Variants in NKAIN3 observed in about 807,000 individuals in gnomAD.
The protein encoded by NKAIN3 is sodium/potassium-transporting ATPase subunit beta-1-interacting protein 3.
NKAIN3 carries 25 observed loss-of-function variants against 30.2 expected under a neutral mutation model. The observed-to-expected ratio is 0.83, with a 90% confidence interval of 0.60 to 1.16. The LOEUF is 1.16. NKAIN3 is among the 50% of genes most tolerant of loss of function. The probability of loss-of-function intolerance (pLI) is 0.00; values close to 1 mark genes in which losing one functional copy is unlikely to be tolerated. For missense variants in NKAIN3, 225 were observed against 254.1 expected (o/e 0.89, Z 0.78); for synonymous variants, 91 against 89.6 (o/e 1.02, Z -0.09).
At chr8:62,686,579 T>A (rs2130431248) in intron 3 of NKAIN3, among the ~76,000 whole-genome samples, 1 of 152,088 alleles carries the variant, frequency 6.6e-6, no homozygotes, top group South Asian at 2.1e-4. Flanking sequence ...AATCTAGGGT[T>A]TTTTTTAAAC....
At chr8:62,693,806 C>T (rs559213824) in intron 3 of NKAIN3, among the ~76,000 whole-genome samples, 3 of 152,138 alleles carry the variant, frequency 2.0e-5, no homozygotes, top group African/African-American at 7.2e-5. Flanking sequence ...AAAAATATCA[C>T]GAACCTAGGG....
chr8:62,573,871 G>A (rs748042718), intron 1 of NKAIN3, among the ~76,000 whole-genome samples: 6 of 152,038 alleles, frequency 3.9e-5, no homozygotes, highest in South Asian at 2.1e-4. Flanking sequence ...ATTCATTCTT[G>A]TTGTTACAAA....
chr8:62,281,133 T>G (rs1316559961), intron 1 of NKAIN3, among the ~76,000 whole-genome samples: 2 of 152,170 alleles, frequency 1.3e-5, no homozygotes, highest in African/African-American at 2.4e-5. Flanking sequence ...ATTCATCAAT[T>G]TCTTCTAGAT....
chr8:62,812,659 A>T (rs1483112354), intron 4 of NKAIN3, among the ~76,000 whole-genome samples: 3 of 151,768 alleles, frequency 2.0e-5, no homozygotes, highest in African/African-American at 7.2e-5. Context: ...TCATCTGCAA[A>T]TAGAAATGAT....
intron 1 of NKAIN3, among the ~76,000 whole-genome samples, chr8:62,343,763 A>G (rs1815832170): frequency 6.6e-6 from 1 of 152,000 alleles, no homozygotes; most frequent in African/African-American, 2.4e-5. Flanking sequence ...GTAAGCTCTG[A>G]TTGCGCCACT....
At chr8:62,608,966 T>G (rs1563481704) in intron 3 of NKAIN3, among the ~76,000 whole-genome samples, 1 of 152,166 alleles carries the variant, frequency 6.6e-6, no homozygotes, top group Non-Finnish European at 1.5e-5. Flanking sequence ...GACTAGAATA[T>G]AATAATTGTG....
chr8:62,398,276 T>TTCCA (rs1387513845), intron 1 of NKAIN3, among the ~76,000 whole-genome samples: 4 of 152,238 alleles, frequency 2.6e-5, no homozygotes, highest in African/African-American at 9.6e-5. Context: ...TGACCCTGAA[T>TTCCA]TCCATCCCTA....
chr8:62,490,956 C>G (rs1222524389), intron 1 of NKAIN3, among the ~76,000 whole-genome samples: 1 of 152,116 alleles, frequency 6.6e-6, no homozygotes, highest in Non-Finnish European at 1.5e-5. Context: ...TAAGTAGTAC[C>G]TAATGTTCCC....
intron 3 of NKAIN3, among the ~76,000 whole-genome samples, chr8:62,640,639 A>G (rs1201401474): frequency 6.6e-6 from 1 of 152,084 alleles, no homozygotes; most frequent in African/African-American, 2.4e-5. Context: ...CCTGACCCAT[A>G]TTAAAAGAGG....
Position 62,838,400 on chromosome 8 carries a change from T to A in NKAIN3, c.472-80053T>A, listed in dbSNP as rs559668224. Among the ~76,000 whole-genome samples, 275 of 150,950 alleles carry A rather than the reference T, an allele frequency of 1.8e-3. 3 individuals carry two copies. Among genetic ancestry groups the A allele is most frequent in the African/African-American group, 6.3e-3 (258 of 41,064 alleles). ...AGTGCTTCACTGAACACCAGAGGAG[T>A]TAGGTGGGACATTTAGAAGAGAGAT... On this transcript the variant is annotated intron_variant, in intron 4 of 6. Transcript: ENST00000623646.
intron 5 of NKAIN3, among the ~76,000 whole-genome samples, chr8:62,995,402 A>G (rs1338235155): frequency 6.6e-6 from 1 of 152,202 alleles, no homozygotes; most frequent in Non-Finnish European, 1.5e-5. Context: ...TAGATGAATG[A>G]GAATCCACAC....
intron 1 of NKAIN3, among the ~76,000 whole-genome samples, chr8:62,472,751 A>T (rs752168596): frequency 2.0e-5 from 3 of 152,214 alleles, no homozygotes; most frequent in African/African-American, 4.8e-5. Context: ...TTATGCATGC[A>T]TCTCTCAAAT....
At chr8:62,335,432 C>CAA (rs5891845) in intron 1 of NKAIN3, among the ~76,000 whole-genome samples, 34 of 82,182 alleles carry the variant, frequency 4.1e-4, no homozygotes, top group Admixed American at 1.1e-3. Context: ...GACTCTGTCT[C>CAA]AAAAAAAAAA....
At chr8:62,431,607 T>C (rs140292810) in intron 1 of NKAIN3, among the ~76,000 whole-genome samples, 1 of 151,984 alleles carries the variant, frequency 6.6e-6, no homozygotes, top group Non-Finnish European at 1.5e-5. Flanking sequence ...ATGAACCAAA[T>C]AACATCTTTG....
rs1824029707 is a variant in NKAIN3 at position 62,979,655 on chromosome 8, G to A, written c.*14248G>A. On this transcript the variant is annotated 3_prime_UTR_variant, in exon 7 of 7. Transcript: ENST00000623646. ...AATTCCATTTGCCCCGTTTTCAGAT[G>A]AGGAGATTGAGGCTGGTAGTTACAG... 1 of 152,234 alleles carries A rather than the reference G, an allele frequency of 6.6e-6. No homozygotes were observed. Among genetic ancestry groups the A allele is most frequent in the Admixed American group, 6.5e-5 (1 of 15,286 alleles). The allele number at this position is 152,234 out of a possible 1,614,324, so 9.4% of individuals were successfully genotyped here.
chr8:62,942,795 C>T (rs1326343117), intron 5 of NKAIN3, among the ~76,000 whole-genome samples: 3 of 151,964 alleles, frequency 2.0e-5, no homozygotes, highest in Non-Finnish European at 4.4e-5. Context: ...ACACCCTATT[C>T]GACAAATGGT....
downstream of NKAIN3, among the ~76,000 whole-genome samples, chr8:62,988,149 C>T (rs184589218): frequency 2.4e-4 from 37 of 152,336 alleles, no homozygotes; most frequent in Middle Eastern, 6.8e-3. Context: ...TTGGGCAGCT[C>T]CACTTCTGTG....
chr8:62,956,754 C>G (rs914025501), intron 6 of NKAIN3, among the ~76,000 whole-genome samples: 1 of 152,140 alleles, frequency 6.6e-6, no homozygotes, highest in African/African-American at 2.4e-5. Flanking sequence ...CAGGCACAGC[C>G]TAAGTGCTAG....
At chr8:62,738,174 T>C (rs905857465) in intron 3 of NKAIN3, among the ~76,000 whole-genome samples, 1 of 152,158 alleles carries the variant, frequency 6.6e-6, no homozygotes, top group African/African-American at 2.4e-5. Context: ...CTCTCCAGCA[T>C]CTGTTGTTTC....
Sources: allele counts gnomAD v4.1 joint callset (sites outside exome capture counted in the v4.1 genomes callset), GRCh38; gene constraint gnomAD v4.1.1; transcripts MANE v1.5; gene names NCBI Gene and HGNC (gene_info 2026-07-23, HGNC 2026-07-21).